The following ZNF83 variants were observed in gnomAD, a reference collection of about 807,000 sequenced individuals.
ZNF83 encodes zinc finger protein 83.
For synonymous variants in ZNF83, 209 were observed against 213.0 expected, an observed-to-expected ratio of 0.98 and a Z score of 0.17; for missense variants, 552 against 629.9, an observed-to-expected ratio of 0.88 and a Z score of 1.32.
chr19:52,642,650 T>G (rs1487557998), upstream of ZNF83, among the ~76,000 whole-genome samples: 1 of 152,194 alleles, frequency 6.6e-6, no homozygotes, highest in Non-Finnish European at 1.5e-5. Context: ...TTTCACCAGC[T>G]TGTGACAGAC....
intron 1 of ZNF83, among the ~76,000 whole-genome samples, chr19:52,680,614 T>C (rs1260213141): frequency 2.1e-5 from 3 of 140,278 alleles, no homozygotes; most frequent in South Asian, 2.4e-4. Flanking sequence ...ATATTTTTTT[T>C]TTTTTTTTTT....
intron 2 of ZNF83, chr19:52,616,993 T>C (rs2060332740): frequency 6.6e-6 from 1 of 151,406 alleles, no homozygotes. Context: ...TTAGAACACA[T>C]GGTCACAGGG....
intron 3 of ZNF83, among the ~76,000 whole-genome samples, chr19:52,654,598 T>C (rs1276367952): frequency 2.6e-5 from 4 of 152,162 alleles, no homozygotes; most frequent in Non-Finnish European, 5.9e-5. Context: ...ATGCCTGTAA[T>C]CCCAGCTACT....
At chr19:52,630,326 C>T (rs1450604200) in intron 2 of ZNF83, among the ~76,000 whole-genome samples, 2 of 152,190 alleles carry the variant, frequency 1.3e-5, no homozygotes, top group African/African-American at 4.8e-5. Context: ...GAAAGTCAGT[C>T]TGTCCCCTTC....
intron 1 of ZNF83, among the ~76,000 whole-genome samples, chr19:52,688,490 T>A (rs1380269615): frequency 6.6e-6 from 1 of 151,920 alleles, no homozygotes; most frequent in Non-Finnish European, 1.5e-5. Flanking sequence ...TCTTCATTAC[T>A]TTGCTTCCTT....
At chr19:52,648,733 C>G (rs1052030326) in intron 3 of ZNF83, among the ~76,000 whole-genome samples, 3 of 152,168 alleles carry the variant, frequency 2.0e-5, no homozygotes, top group African/African-American at 7.2e-5. Context: ...GACAAGTAGA[C>G]AAGCCAGCAG....
At chr19:52,625,244 GACT>G (rs1453279756) in intron 2 of ZNF83, among the ~76,000 whole-genome samples, 5 of 152,002 alleles carry the variant, frequency 3.3e-5, no homozygotes, top group African/African-American at 1.2e-4. Flanking sequence ...CTTGCAAAGG[GACT>G]ACACATCAAT....
intron 2 of ZNF83, among the ~76,000 whole-genome samples, chr19:52,618,286 G>C (rs1488960194): frequency 6.6e-6 from 1 of 150,650 alleles, no homozygotes; most frequent in Non-Finnish European, 1.5e-5. Flanking sequence ...TTTTGAGATG[G>C]AGCCTGGCTG....
At chr19:52,630,664 C>T (rs910237023) in intron 2 of ZNF83, among the ~76,000 whole-genome samples, 5 of 152,020 alleles carry the variant, frequency 3.3e-5, no homozygotes, top group Admixed American at 6.6e-5. Context: ...CCTTAACCCA[C>T]AAGTATGGGA....
chr19:52,653,484 T>C (rs1218632027), intron 3 of ZNF83, among the ~76,000 whole-genome samples: 1 of 151,996 alleles, frequency 6.6e-6, no homozygotes. Context: ...TACATTTGTA[T>C]GGTTTCTCTC....
intron 1 of ZNF83, among the ~76,000 whole-genome samples, chr19:52,672,138 G>A (rs2061734774): frequency 6.6e-6 from 1 of 152,172 alleles, no homozygotes; most frequent in Non-Finnish European, 1.5e-5. Context: ...GGAGATTGAG[G>A]CAGGAGAATC....
chr19:52,628,899 C>CT (rs2060845059), intron 2 of ZNF83, among the ~76,000 whole-genome samples: 2 of 151,874 alleles, frequency 1.3e-5, no homozygotes, highest in Admixed American at 1.3e-4. Flanking sequence ...GCCCCAATCC[C>CT]TTATTTCCAT....
intron 2 of ZNF83, among the ~76,000 whole-genome samples, chr19:52,620,151 G>A (rs1208760006): frequency 2.6e-5 from 4 of 152,174 alleles, no homozygotes; most frequent in Admixed American, 2.0e-4. Flanking sequence ...AACTAGAGTT[G>A]AATGCAAAGG....
chr19:52,631,430 T>C (rs1600191857), intron 2 of ZNF83, among the ~76,000 whole-genome samples: 1 of 152,228 alleles, frequency 6.6e-6, no homozygotes, highest in Non-Finnish European at 1.5e-5. Flanking sequence ...CAGCAGCTGC[T>C]GCCGCCCTAA....
intron 1 of ZNF83, among the ~76,000 whole-genome samples, chr19:52,670,130 C>A (rs149305233): frequency 0.01 from 1,559 of 152,080 alleles, 28 homozygotes; most frequent in African/African-American, 0.036. Context: ...TCCACCTTGA[C>A]TCATTCTGAT....
rs1196263136 is a variant in ZNF83, at chr19:52,661,861, C to G, written c.-282-1018G>C. Among the ~76,000 whole-genome samples, 12 of 152,174 alleles carry G rather than the reference C, an allele frequency of 7.9e-5. 1 individual carries two copies. Among genetic ancestry groups the G allele is most frequent in the Non-Finnish European group, 1.5e-5 (1 of 68,032 alleles). The stretch of plus-strand genomic sequence containing the variant: ...GGTTACTGTAGATAAAGTGATGTCA[C>G]AACAAAGACTTAGGGAAGAAAGGCT... On this transcript the variant is annotated intron_variant, in intron 1 of 5. Transcript: ENST00000594682.
At chr19:52,655,741 C>T in intron 2 of ZNF83, 1 of 727,140 alleles carries the variant, frequency 1.4e-6, no homozygotes, top group Non-Finnish European at 2.4e-6. Context: ...ATTACCTTCA[C>T]ACAAAATGAG....
intron 2 of ZNF83, among the ~76,000 whole-genome samples, chr19:52,632,022 A>G (rs2060987342): frequency 6.6e-6 from 1 of 152,194 alleles, no homozygotes. Context: ...GCCCTGAGTC[A>G]GGAACTAAAA....
chr19:52,627,289 G>T (rs1053429934), intron 2 of ZNF83, among the ~76,000 whole-genome samples: 2 of 152,098 alleles, frequency 1.3e-5, no homozygotes, highest in African/African-American at 4.8e-5. Context: ...CCTATTTGGT[G>T]GTCTCTTCAC....
Sources: allele counts gnomAD v4.1 joint callset (sites outside exome capture counted in the v4.1 genomes callset), GRCh38; gene constraint gnomAD v4.1.1; transcripts MANE v1.5; gene names NCBI Gene and HGNC (gene_info 2026-07-23, HGNC 2026-07-21).